The following PPP2R2D variants were observed in gnomAD, a reference collection of about 807,000 sequenced individuals.
The protein encoded by PPP2R2D is serine/threonine-protein phosphatase 2A 55 kDa regulatory subunit B delta isoform.
PPP2R2D carries 9 observed loss-of-function variants against 31.1 expected under a neutral mutation model. The observed-to-expected ratio is 0.29, with a 90% CI of 0.17 to 0.51. The LOEUF is 0.51. Ranked by LOEUF, PPP2R2D falls within the 20% of genes least tolerant of loss-of-function variation. PPP2R2D has a pLI of 0.98. For synonymous variants in PPP2R2D, 179 were observed against 172.6 expected, an observed-to-expected ratio of 1.04 and a Z score of -0.29; for missense variants, 391 against 465.6, an observed-to-expected ratio of 0.84 and a Z score of 1.48.
chr10:131,908,260 C>T (rs1186261938), intron 2 of PPP2R2D, among the ~76,000 whole-genome samples: 1 of 152,202 alleles, frequency 6.6e-6, no homozygotes, highest in African/African-American at 2.4e-5. Context: ...ATTCCCATCC[C>T]TTGATCTTTG....
chr10:131,903,799 G>A (rs914309470), intron 2 of PPP2R2D, among the ~76,000 whole-genome samples: 5 of 152,256 alleles, frequency 3.3e-5, no homozygotes, highest in Admixed American at 2.0e-4. Context: ...CAGAGAGTCA[G>A]TGATGATGAA....
At chr10:131,912,609 C>T (rs2035702515) in intron 2 of PPP2R2D, 1 of 152,264 alleles carries the variant, frequency 6.6e-6, no homozygotes, top group African/African-American at 2.4e-5. Context: ...GTAAGTACTA[C>T]TGTGTTGCCT....
At chr10:131,970,957 T>A in the PPP2R2D span, 1 of 1,613,808 alleles carries the variant, frequency 6.2e-7, no homozygotes, top group Non-Finnish European at 8.5e-7. The surrounding 1 kb of genome is among the most constrained non-coding windows in gnomAD (Gnocchi z 4.1). Context: ...TCTTTCAATA[T>A]CATCTTCCTC....
intron 2 of PPP2R2D, chr10:131,911,872 C>G (rs1180522219): frequency 6.6e-6 from 1 of 152,156 alleles, no homozygotes; most frequent in African/African-American, 2.4e-5. Flanking sequence ...CCAGATTGTA[C>G]TGGTTTTGTC....
intron 6 of PPP2R2D, among the ~76,000 whole-genome samples, chr10:131,944,443 TTC>T (rs1418719328): frequency 1.5e-5 from 2 of 131,022 alleles, no homozygotes; most frequent in African/African-American, 2.9e-5. Flanking sequence ...ACATTATGTG[TTC>T]TTTTTTTTTT....
At chr10:131,955,125 G>T (rs142165811) in intron 8 of PPP2R2D, among the ~76,000 whole-genome samples, 582 of 152,332 alleles carry the variant, frequency 3.8e-3, no homozygotes, top group Non-Finnish European at 6.4e-3. Flanking sequence ...AGCATGGACG[G>T]TATTGTATTG....
At chr10:131,905,811 G>A (rs2035573253) in intron 2 of PPP2R2D, among the ~76,000 whole-genome samples, 1 of 152,210 alleles carries the variant, frequency 6.6e-6, no homozygotes, top group Non-Finnish European at 1.5e-5. Context: ...GCGACCATTT[G>A]CAGCCAGCAC....
At chr10:131,960,748 C>T (rs1365252966), downstream of PPP2R2D, among the ~76,000 whole-genome samples, 1 of 152,206 alleles carries the variant, frequency 6.6e-6, no homozygotes, top group African/African-American at 2.4e-5. Context: ...TGGCCTTAAG[C>T]TTGCTTTCTC....
the PPP2R2D span, chr10:131,967,743 CAG>C: frequency 6.6e-6 from 1 of 152,456 alleles, no homozygotes; most frequent in Non-Finnish European, 1.5e-5. Flanking sequence ...AAAGTAGACA[CAG>C]ATTTGCTTAG....
chr10:131,971,005 T>C, the PPP2R2D span: 3 of 1,590,642 alleles, frequency 1.9e-6, no homozygotes, highest in Admixed American at 1.7e-5. Context: ...CAGATCAGTG[T>C]ACCACACGTG....
chr10:131,917,837 T>A (rs1220892182), intron 2 of PPP2R2D, among the ~76,000 whole-genome samples: 1 of 99,784 alleles, frequency 1.0e-5, no homozygotes, highest in Non-Finnish European at 2.0e-5. Flanking sequence ...GCGGGTGGAA[T>A]GACACAGTGT....
Position 131,919,192 on chromosome 10 carries a change from C to T in PPP2R2D, c.101-15266C>T, listed in dbSNP as rs1253776115. Reference sequence around the variant, plus strand: ...GGGTGGAATGACACAGTGCTTGTAGCGACCTCAGGCGGGCGGAATGACACA... The same window carrying T: ...GGGTGGAATGACACAGTGCTTGTAGTGACCTCAGGCGGGCGGAATGACACA... On this transcript the variant is annotated intron_variant, in intron 2 of 8. Coordinates refer to ENST00000455566, the MANE Select transcript of PPP2R2D (RefSeq NM_018461.5). 2.7e-5 allele frequency among the ~76,000 whole-genome samples: 2 copies of T among 73,188 alleles called. 1 individual carries two copies. The highest frequency in any genetic ancestry group is 5.3e-5 in the Non-Finnish European group (2 of 37,432). The allele number at this position is 73,188 out of a possible 152,430, so 48.0% of individuals were successfully genotyped here.
chr10:131,959,963 T>TC (rs1213478891), downstream of PPP2R2D: 2 of 152,172 alleles, frequency 1.3e-5, no homozygotes, highest in Non-Finnish European at 2.9e-5. Context: ...GTGTAGAGGT[T>TC]CCACGTGGCA....
chr10:131,922,198 A>G (rs1229807419), intron 2 of PPP2R2D, among the ~76,000 whole-genome samples: 1 of 152,214 alleles, frequency 6.6e-6, no homozygotes, highest in Non-Finnish European at 1.5e-5. Context: ...ACAATAAAAG[A>G]TTGACCGTTT....
chr10:131,910,195 C>G (rs2035661443), intron 2 of PPP2R2D, among the ~76,000 whole-genome samples: 1 of 152,204 alleles, frequency 6.6e-6, no homozygotes, highest in South Asian at 2.1e-4. Context: ...CCGTCAGAAC[C>G]CTGAGGTCTG....
At position 131,945,529 on chromosome 10, in the gene PPP2R2D, G is replaced by T. The variant is rs1403136312; in HGVS notation, c.820+70G>T. On this transcript the variant is annotated intron_variant, in intron 7 of 8. Transcript: ENST00000455566. This position sits in a 1 kb window ranked among gnomAD's most constrained non-coding sequence, Gnocchi z 4.8. ...GGCTGCGGTGCAGTGACACAGTCTC[G>T]GCTCACGGCAAGCTCCGCCTCCCGG... The T allele has an allele frequency of 3.3e-6, 5 of 1,509,696 alleles. No homozygotes were observed. Among genetic ancestry groups the T allele is most frequent in the Non-Finnish European group, 4.5e-6 (5 of 1,121,268 alleles). 93.5% of individuals were successfully genotyped at this position (1,509,696 alleles called of 1,614,324 possible). A position where few individuals can be genotyped will look rare whatever the true frequency, so the allele number is the denominator to read the frequency against.
chr10:131,970,702 C>G, the PPP2R2D span: 2 of 1,614,188 alleles, frequency 1.2e-6, no homozygotes. This position sits in a 1 kb window ranked among gnomAD's most constrained non-coding sequence, Gnocchi z 4.1. Context: ...AGAAATTCTG[C>G]AGAGAATATG....
chr10:131,947,459 A>G lies in PPP2R2D; in HGVS notation c.821-71A>G, dbSNP rs1176346483. The stretch of plus-strand genomic sequence containing the variant: ...AGTCTCTCTGAAGGGGCCACTTCCT[A>G]CTTGAACTTGAAAATGATTTGTTCT... On this transcript the variant is annotated intron_variant, in intron 7 of 8. Coordinates refer to ENST00000455566, the MANE Select transcript of PPP2R2D (RefSeq NM_018461.5). This position sits in a 1 kb window ranked among gnomAD's most constrained non-coding sequence, Gnocchi z 4.3. 1 of 1,514,154 alleles carries G rather than the reference A, an allele frequency of 6.6e-7. No individual in the cohort carries two copies. The highest frequency in any genetic ancestry group is 1.3e-5 in the South Asian group (1 of 79,668). 93.8% of individuals were successfully genotyped at this position (1,514,154 alleles called of 1,614,324 possible).
chr10:131,968,099 T>A, the PPP2R2D span: 1 of 156,074 alleles, frequency 6.4e-6, no homozygotes, highest in Admixed American at 6.2e-5. Flanking sequence ...GCCACAATAT[T>A]TATTTTGGAC....
Sources: allele counts gnomAD v4.1 joint callset (sites outside exome capture counted in the v4.1 genomes callset), GRCh38; gene constraint gnomAD v4.1.1; non-coding constraint Gnocchi (gnomAD v3.1); transcripts MANE v1.5; gene names NCBI Gene and HGNC (gene_info 2026-07-23, HGNC 2026-07-21).